MKLN1: variants seen among roughly 807,000 people sequenced by gnomAD.
The protein encoded by MKLN1 is muskelin 1.
In MKLN1, 18 loss-of-function variants were observed where a neutral mutation model predicts 99.0. The ratio of observed to expected loss-of-function variants is 0.18; its 90% CI spans 0.13 to 0.27. MKLN1 has a LOEUF of 0.27. Ranked by LOEUF, MKLN1 falls within the 10% of genes least tolerant of loss-of-function variation. MKLN1 has a pLI of 1.00. For synonymous variants in MKLN1, 288 were observed against 293.2 expected (o/e 0.98, Z 0.18); for missense variants, 621 against 875.9 (o/e 0.71, Z 3.67).
At chr7:131,342,973 C>G (rs1258417303) in intron 1 of MKLN1, among the ~76,000 whole-genome samples, 1 of 152,162 alleles carries the variant, frequency 6.6e-6, no homozygotes, top group African/African-American at 2.4e-5. Context: ...AAGAGAGAAT[C>G]TCTGGTGATA....
chr7:131,249,955 G>A (rs370007513), intron 3 of MKLN1, among the ~76,000 whole-genome samples: 1 of 152,192 alleles, frequency 6.6e-6, no homozygotes, highest in Non-Finnish European at 1.5e-5. Context: ...AGAGGGGCAG[G>A]TCTGCCTTTT....
chr7:131,123,880 A>G lies in MKLN1; in HGVS notation c.-419+13673A>G, dbSNP rs566718802. 5.3e-4 allele frequency among the ~76,000 whole-genome samples: 80 copies of G among 152,338 alleles called. 1 individual carries two copies. Among genetic ancestry groups the G allele is most frequent in the African/African-American group, 1.9e-3 (77 of 41,580 alleles). The stretch of plus-strand genomic sequence containing the variant: ...ATAGATAATTCATAAGTAGGTAGGT[A>G]GGTAGACTGACAGACAAAAGATCTA... On this transcript the variant is annotated intron_variant, in intron 1 of 7. Transcript: ENST00000416992.
rs75917686 is a variant in MKLN1, at chr7:131,137,318, G to C, written c.-418-5502G>C. On this transcript the variant is annotated intron_variant, in intron 1 of 7. Transcript: ENST00000416992. ...CAAATTGAAGCTAATAAAAGAAAAA[G>C]AGTGTCAATGACTTTACATATATGC... 1.8e-4 allele frequency among the ~76,000 whole-genome samples: 27 copies of C among 152,298 alleles called. No individual in the cohort carries two copies. The East Asian group carries it at 4.6e-3, about 26-fold the overall frequency.
At chr7:131,399,498 T>C (rs1794467711) in intron 6 of MKLN1, 65 bp downstream of exon 6, 1 of 1,344,494 alleles carries the variant, frequency 7.4e-7, no homozygotes, top group Non-Finnish European at 1.0e-6. Context: ...TTCTCAAAAA[T>C]AATATAGGCT....
rs1584771353 is a variant in MKLN1 at position 131,118,764 on chromosome 7, T to C, written c.-419+8557T>C. 2.0e-5 allele frequency among the ~76,000 whole-genome samples: 3 copies of C among 151,922 alleles called. 1 individual carries two copies. The East Asian group carries it at 5.8e-4, about 29-fold the overall frequency. On this transcript the variant is annotated intron_variant, in intron 1 of 7. Coordinates refer to the MKLN1 transcript ENST00000416992. ...AGAAGAAAGAGAATGAAGGGGGAAG[T>C]GCTACACACTTTTAAACAAGCACAT...
chr7:131,434,565 T>C (rs1442400076), intron 9 of MKLN1, among the ~76,000 whole-genome samples: 1 of 152,184 alleles, frequency 6.6e-6, no homozygotes, highest in African/African-American at 2.4e-5. Context: ...ATTTTTTGTT[T>C]ATTTGTTTGA....
Position 131,465,370 on chromosome 7 carries a change from A to G in MKLN1, c.1789-906A>G, listed in dbSNP as rs112989167. 3.1e-3 allele frequency among the ~76,000 whole-genome samples: 474 copies of G among 152,312 alleles called. 1 individual carries two copies. The highest frequency in any genetic ancestry group is 0.011 in the African/African-American group (452 of 41,580). ...CGTTTCTTCACTGTTTTGTCTTCCAAAGTTATCTGAGGAACAGATAATTGA... is the reference window on the plus strand; with the variant it reads ...CGTTTCTTCACTGTTTTGTCTTCCAGAGTTATCTGAGGAACAGATAATTGA... On this transcript the variant is annotated intron_variant, in intron 14 of 17. Transcript: ENST00000352689.
chr7:131,465,573 C>T (rs1180999176), intron 14 of MKLN1, among the ~76,000 whole-genome samples: 5 of 151,862 alleles, frequency 3.3e-5, no homozygotes, highest in Admixed American at 1.3e-4. Flanking sequence ...GAGTCTCGGT[C>T]TGTTGCCCAG....
chr7:131,356,262 G>A lies in MKLN1; in HGVS notation c.99-19162G>A, dbSNP rs531954037. On this transcript the variant is annotated intron_variant, in intron 1 of 17. Coordinates refer to ENST00000352689, the MANE Select transcript of MKLN1 (RefSeq NM_013255.5). ...TTGAGAAGCTGCTGATGAGTTTCAG[G>A]TGTTTTATATCTATTAGCCTGCCTT... Among the ~76,000 whole-genome samples the A allele has an allele frequency of 2.6e-5, 4 of 152,028 alleles. No homozygotes were observed. In the East Asian group the frequency reaches 7.8e-4, roughly 30 times the overall value.
intron 2 of MKLN1, among the ~76,000 whole-genome samples, chr7:131,145,442 C>T (rs1157031336): frequency 2.0e-5 from 3 of 152,028 alleles, no homozygotes; most frequent in South Asian, 2.1e-4. Flanking sequence ...ATGTAACGTT[C>T]GAGAGGGGAA....
At chr7:131,357,363 T>A (rs1333696927) in intron 1 of MKLN1, among the ~76,000 whole-genome samples, 3 of 152,180 alleles carry the variant, frequency 2.0e-5, no homozygotes, top group Non-Finnish European at 1.5e-5. Flanking sequence ...ATGCCCTTGA[T>A]CACCTCCCTG....
chr7:131,430,233 G>A (rs144893238), intron 9 of MKLN1, among the ~76,000 whole-genome samples: 2,572 of 151,998 alleles, frequency 0.017, 33 homozygotes, highest in Non-Finnish European at 0.028. Context: ...GTGCTGTGTC[G>A]TTAATCCTGG....
intron 3 of MKLN1, among the ~76,000 whole-genome samples, chr7:131,275,267 A>T (rs1191083568): frequency 6.6e-6 from 1 of 151,630 alleles, no homozygotes; most frequent in Non-Finnish European, 1.5e-5. Flanking sequence ...GAAGGCACTA[A>T]TCTCATTCAT....
intron 2 of MKLN1, among the ~76,000 whole-genome samples, chr7:131,154,603 G>T (rs1204361821): frequency 3.9e-5 from 6 of 152,078 alleles, no homozygotes; most frequent in Non-Finnish European, 1.5e-5. Context: ...CAATGACTAA[G>T]CCAGAAGCAA....
intron 3 of MKLN1, among the ~76,000 whole-genome samples, chr7:131,247,445 A>T (rs1477605547): frequency 6.6e-6 from 1 of 151,524 alleles, no homozygotes; most frequent in East Asian, 1.9e-4. Flanking sequence ...CGAACTCCTG[A>T]CCTTGTGATC....
chr7:131,214,028 A>AT (rs1040146765), intron 3 of MKLN1, among the ~76,000 whole-genome samples: 1 of 151,934 alleles, frequency 6.6e-6, no homozygotes, highest in Non-Finnish European at 1.5e-5. Context: ...AATGTCTTGT[A>AT]TTTTTTTCTA....
intron 1 of MKLN1, among the ~76,000 whole-genome samples, chr7:131,373,824 A>G (rs1041311967): frequency 6.6e-6 from 1 of 152,140 alleles, no homozygotes; most frequent in Non-Finnish European, 1.5e-5. Context: ...GGATTTCACT[A>G]GTTTTCCCAC....
At chr7:131,279,720 C>G (rs1798024340) in intron 3 of MKLN1, among the ~76,000 whole-genome samples, 1 of 152,138 alleles carries the variant, frequency 6.6e-6, no homozygotes, top group Non-Finnish European at 1.5e-5. Context: ...GTGGGAAGAT[C>G]ACCTGAGCCT....
intron 3 of MKLN1, among the ~76,000 whole-genome samples, chr7:131,277,386 C>T (rs1024654785): frequency 1.2e-4 from 18 of 151,910 alleles, no homozygotes; most frequent in African/African-American, 4.1e-4. Flanking sequence ...TGGGTTCAAG[C>T]GATTCTCCTG....
Sources: allele counts gnomAD v4.1 joint callset (sites outside exome capture counted in the v4.1 genomes callset), GRCh38; gene constraint gnomAD v4.1.1; transcripts MANE v1.5; gene names NCBI Gene and HGNC (gene_info 2026-07-23, HGNC 2026-07-21).